Variants in CLOCK observed in about 807,000 individuals in gnomAD.
CLOCK encodes clock circadian regulator.
Under a neutral mutation model 118.4 loss-of-function variants are expected in CLOCK, and 43 were observed. The observed-to-expected ratio is 0.36, with a 90% CI of 0.28 to 0.47. The LOEUF (loss-of-function observed/expected upper bound fraction) is 0.47. Ranked by LOEUF, CLOCK falls within the 20% of genes least tolerant of loss-of-function variation. CLOCK has a pLI of 1.00. For synonymous variants in CLOCK, 326 were observed against 339.2 expected (o/e 0.96, Z 0.43); for missense variants, 846 against 999.9 (o/e 0.85, Z 2.08).
intron 1 of CLOCK, among the ~76,000 whole-genome samples, chr4:55,524,400 A>AAAAAAC (rs200238912): frequency 6.6e-6 from 1 of 152,112 alleles, no homozygotes; most frequent in East Asian, 1.9e-4. Flanking sequence ...CTCTGTCTCA[A>AAAAAAC]AAAAACAAAA....
Position 55,429,237 on chromosome 4 carries a change from T to TCA in CLOCK, c.*6176_*6177dup, listed in dbSNP as rs767786918. The TCA allele has an allele frequency of 3.9e-5, 6 of 152,220 alleles. No individual in the cohort carries two copies. The highest frequency in any genetic ancestry group is 7.3e-5 in the Non-Finnish European group (5 of 68,034). 9.4% of individuals were successfully genotyped at this position (152,220 alleles called of 1,614,324 possible). A position where few individuals can be genotyped will look rare whatever the true frequency, so the allele number is the denominator to read the frequency against. ...AAAGCTTTTATTTGAAAACGTATCTTCAGTTTAACCCTCAGAGTTAAGAAA... is the reference window on the plus strand; with the variant it reads ...AAAGCTTTTATTTGAAAACGTATCTTCACAGTTTAACCCTCAGAGTTAAGAAA... On this transcript the variant is annotated 3_prime_UTR_variant, in exon 23 of 23. Coordinates refer to ENST00000513440, the MANE Select transcript of CLOCK (RefSeq NM_004898.4).
intron 20 of CLOCK, 86 bp from the exon 21 acceptor site, chr4:55,442,720 T>C (rs1723473292): frequency 1.9e-5 from 22 of 1,137,854 alleles, no homozygotes; most frequent in Non-Finnish European, 2.8e-5. Flanking sequence ...TCTAACAATA[T>C]GACAATATGA....
At position 55,443,914 on chromosome 4, in the gene CLOCK, ATG is replaced by A. The variant is rs776625251; in HGVS notation, c.1693-20_1693-19del. The A allele has an allele frequency of 4.4e-6, 7 of 1,599,144 alleles. No individual in the cohort carries two copies. The South Asian group carries it at 7.7e-5, about 18-fold the overall frequency. ...AAAAACATCTTTAAAAATAAAGATT[ATG>A]TTAAAATGAGCTTTGTAGATTGAAA... is the stretch of plus-strand genomic sequence containing the variant. On this transcript the variant is annotated intron_variant, in intron 19 of 22. Transcript: ENST00000513440.
At chr4:55,475,011 T>C (rs1726405475) in intron 7 of CLOCK, among the ~76,000 whole-genome samples, 1 of 152,216 alleles carries the variant, frequency 6.6e-6, no homozygotes, top group South Asian at 2.1e-4. Context: ...TTCATAAGGC[T>C]ACAGTTCCCA....
At chr4:55,438,131 CA>C in intron 22 of CLOCK, 150 bp downstream of exon 22, 1 of 1,082,672 alleles carries the variant, frequency 9.2e-7, no homozygotes, top group Non-Finnish European at 1.3e-6. Flanking sequence ...AATCGCCAAC[CA>C]GAACAAGCTT....
At chr4:55,481,253 G>T (rs772240166) in intron 4 of CLOCK, among the ~76,000 whole-genome samples, 1 of 152,120 alleles carries the variant, frequency 6.6e-6, no homozygotes, top group Non-Finnish European at 1.5e-5. Flanking sequence ...TGAACTTGGG[G>T]ATTCCATGTA....
chr4:55,480,622 G>T (rs375137399), intron 4 of CLOCK, among the ~76,000 whole-genome samples: 36 of 152,262 alleles, frequency 2.4e-4, no homozygotes, highest in African/African-American at 8.4e-4. Flanking sequence ...TAGGCGCAGT[G>T]GCTCACGCCT....
chr4:55,520,140 T>C (rs11722415), intron 1 of CLOCK, among the ~76,000 whole-genome samples: 2 of 152,242 alleles, frequency 1.3e-5, no homozygotes, highest in African/African-American at 2.4e-5. Context: ...AAAACTGTCA[T>C]AGAAGCCCTC....
intron 1 of CLOCK, among the ~76,000 whole-genome samples, chr4:55,521,764 A>C (rs750057320): frequency 2.0e-5 from 3 of 152,214 alleles, no homozygotes; most frequent in Non-Finnish European, 2.9e-5. Context: ...TATGGATGCT[A>C]TGCAATTTTT....
intron 1 of CLOCK, among the ~76,000 whole-genome samples, chr4:55,525,296 G>A (rs762353841): frequency 5.9e-5 from 9 of 152,180 alleles, no homozygotes; most frequent in South Asian, 2.1e-4. Flanking sequence ...CACATACCCT[G>A]TTCTTTAGAA....
intron 21 of CLOCK, among the ~76,000 whole-genome samples, chr4:55,439,168 C>T (rs1723143800): frequency 6.6e-6 from 1 of 152,080 alleles, no homozygotes; most frequent in Non-Finnish European, 1.5e-5. Context: ...AACTCAACAA[C>T]AATCAACCCA....
rs1361376115 is a variant in CLOCK, at chr4:55,453,126, A to G, written c.1134T>C (p.Tyr378=). The change falls in exon 15 of 23, where the codon TAT becomes TAC. Residue 378 remains tyrosine (Y), a synonymous_variant. Transcript: ENST00000513440. ...GTCGTCTTTCAGCCCTAACTTCTGC[A>G]TAACTACAAATGGAAAAAATAATCA... The part of the protein sequence containing the change: ...FIVCTHTVVS[Y]AEVRAERRRE... 1.9e-6 allele frequency: 3 copies of G among 1,612,300 alleles called. No homozygotes were observed. The African/African-American group carries it at 4.0e-5, about 22-fold the overall frequency.
chr4:55,493,680 T>C (rs988708782), intron 2 of CLOCK, among the ~76,000 whole-genome samples: 2 of 152,252 alleles, frequency 1.3e-5, no homozygotes, highest in African/African-American at 4.8e-5. Flanking sequence ...TTATTCAATA[T>C]TGAATGTATT....
chr4:55,531,832 CCAGA>C (rs778145688), intron 1 of CLOCK, among the ~76,000 whole-genome samples: 1 of 147,360 alleles, frequency 6.8e-6, no homozygotes, highest in African/African-American at 2.5e-5. Flanking sequence ...GATATAAAAA[CCAGA>C]CAAAGATACC....
In CLOCK at chr4:55,491,391, A is replaced by G. The variant is rs111693430; in HGVS notation, c.-135-1926T>C. On this transcript the variant is annotated intron_variant, in intron 2 of 22. Transcript: ENST00000513440. ...AGTGAATAGGAAAAAAAAAAAATCAACAAAACTAAGAGTTGTTTCTTTGAA... is the reference window on the plus strand; with the variant it reads ...AGTGAATAGGAAAAAAAAAAAATCAGCAAAACTAAGAGTTGTTTCTTTGAA... Among the ~76,000 whole-genome samples, 485 of 151,792 alleles carry G rather than the reference A, an allele frequency of 3.2e-3. 3 individuals are homozygous for G. The highest frequency in any genetic ancestry group is 0.011 in the African/African-American group (461 of 41,484).
At chr4:55,490,830 T>C (rs925784276) in intron 2 of CLOCK, among the ~76,000 whole-genome samples, 1 of 152,188 alleles carries the variant, frequency 6.6e-6, no homozygotes, top group Non-Finnish European at 1.5e-5. Flanking sequence ...GCCAACTGTA[T>C]AGACCAAATG....
intron 1 of CLOCK, among the ~76,000 whole-genome samples, chr4:55,513,439 T>C (rs1483120926): frequency 6.6e-6 from 1 of 152,116 alleles, no homozygotes; most frequent in African/African-American, 2.4e-5. Context: ...TGTCATTAAG[T>C]GACACATGAC....
At chr4:55,533,562 A>C (rs888584449) in intron 1 of CLOCK, among the ~76,000 whole-genome samples, 2 of 152,318 alleles carry the variant, frequency 1.3e-5, no homozygotes, top group Admixed American at 1.3e-4. Flanking sequence ...AGTAATTCAA[A>C]CCATATCACT....
In CLOCK at chr4:55,428,245, A is replaced by G. The variant is rs1722317724; in HGVS notation, c.*7170T>C. The G allele has an allele frequency of 6.6e-6, 1 of 152,214 alleles. No individual in the cohort carries two copies. The highest frequency in any genetic ancestry group is 1.9e-4 in the East Asian group (1 of 5,190). The allele number at this position is 152,214 out of a possible 1,614,324, so 9.4% of individuals were successfully genotyped here. On this transcript the variant is annotated 3_prime_UTR_variant, in exon 23 of 23. Transcript: ENST00000513440. ...TAATGATTACACAGCAAGAGGCCTGAGTGGAGGTAGGCTAACAACACATTT... is the reference window on the plus strand; with the variant it reads ...TAATGATTACACAGCAAGAGGCCTGGGTGGAGGTAGGCTAACAACACATTT...
Sources: allele counts gnomAD v4.1 joint callset (sites outside exome capture counted in the v4.1 genomes callset), GRCh38; gene constraint gnomAD v4.1.1; transcripts MANE v1.5; gene names NCBI Gene and HGNC (gene_info 2026-07-23, HGNC 2026-07-21).